NUFIP2: variants seen among roughly 807,000 people sequenced by gnomAD.
NUFIP2 encodes FMR1-interacting protein NUFIP2.
NUFIP2 carries 6 observed loss-of-function variants against 56.9 expected under a neutral mutation model. The observed-to-expected ratio is 0.11, with a 90% CI of 0.06 to 0.21. The LOEUF (loss-of-function observed/expected upper bound fraction) is 0.21, where lower values mean the gene tolerates loss of function less well. Ranked by LOEUF, NUFIP2 falls within the 10% of genes least tolerant of loss-of-function variation. NUFIP2 has a pLI of 1.00. For synonymous variants in NUFIP2, 321 were observed against 298.2 expected (o/e 1.08, Z -0.79); for missense variants, 828 against 826.8 (o/e 1.00, Z -0.02).
intron 2 of NUFIP2, among the ~76,000 whole-genome samples, chr17:29,271,593 A>G (rs2069072965): frequency 6.7e-6 from 1 of 150,260 alleles, no homozygotes; most frequent in Non-Finnish European, 1.5e-5. Context: ...ATGCTGAACT[A>G]AGAAGTGAAT....
Position 29,267,526 on chromosome 17 carries a change from C to T in NUFIP2, c.2007G>A (p.Met669Ile). ...RAAIVYHTKE[M>I]ESIWNLQKQD... ...GCTTCTGCAAATTCCAAATAGATTC[C>T]ATTTCTGCAAAGAAAAAAAGAGAAT... Residue 669 changes from methionine (M) to isoleucine (I), a missense_variant, in exon 3 of 4, where the codon ATG (methionine) becomes ATA (isoleucine). Transcript: ENST00000225388. 6.5e-7 allele frequency: 1 copy of T among 1,533,664 alleles called. No individual in the cohort carries two copies. Among genetic ancestry groups the T allele is most frequent in the Non-Finnish European group, 8.9e-7 (1 of 1,119,998 alleles).
intron 2 of NUFIP2, among the ~76,000 whole-genome samples, chr17:29,285,312 G>T (rs981762821): frequency 1.3e-5 from 2 of 150,052 alleles, no homozygotes; most frequent in African/African-American, 2.5e-5. Context: ...AAACAAATAA[G>T]CAAATGGGTG....
intron 3 of NUFIP2, among the ~76,000 whole-genome samples, chr17:29,267,134 C>T (rs1472215542): frequency 1.3e-5 from 2 of 151,796 alleles, no homozygotes; most frequent in Non-Finnish European, 2.9e-5. Flanking sequence ...GAACTCCTGA[C>T]CTCGGGTGAT....
intron 2 of NUFIP2, among the ~76,000 whole-genome samples, chr17:29,282,193 A>C (rs2069144410): frequency 6.6e-6 from 1 of 152,130 alleles, no homozygotes; most frequent in Non-Finnish European, 1.5e-5. Flanking sequence ...TCCTGTATTA[A>C]AAAAAGCCCT....
chr17:29,290,018 G>C (rs1294363803), intron 1 of NUFIP2, among the ~76,000 whole-genome samples: 1 of 152,054 alleles, frequency 6.6e-6, no homozygotes, highest in Admixed American at 6.6e-5. Context: ...CCGCCTCCCA[G>C]ATTCTCCTGA....
chr17:29,257,323 T>C lies in NUFIP2; in HGVS notation c.*7216A>G, dbSNP rs748191280. The stretch of plus-strand genomic sequence containing the variant: ...AGGACAAATCGGTCACTTTTGGTAA[T>C]GACACACAAATTAAACTTTCAAAAC... On this transcript the variant is annotated 3_prime_UTR_variant, in exon 4 of 4. Transcript: ENST00000225388. 4.6e-5 allele frequency: 7 copies of C among 152,194 alleles called. No homozygotes were observed. Among genetic ancestry groups the C allele is most frequent in the Non-Finnish European group, 8.8e-5 (6 of 68,012 alleles). The allele number at this position is 152,194 out of a possible 1,614,324, so 9.4% of individuals were successfully genotyped here. A position where few individuals can be genotyped will look rare whatever the true frequency, so the allele number is the denominator to read the frequency against.
chr17:29,282,110 T>A lies in NUFIP2; in HGVS notation c.2002+3882A>T, dbSNP rs1251354955. 1.3e-5 allele frequency among the ~76,000 whole-genome samples: 2 copies of A among 151,944 alleles called. 1 individual carries two copies. The highest frequency in any genetic ancestry group is 1.3e-4 in the Admixed American group (2 of 15,222). ...TGTATCTTTACTTCATACCCTCAAT[T>A]GTACTTAACACTCAAATTTTTAAAA... is the stretch of plus-strand genomic sequence containing the variant. On this transcript the variant is annotated intron_variant, in intron 2 of 3. Coordinates refer to ENST00000225388, the MANE Select transcript of NUFIP2 (RefSeq NM_020772.3).
At chr17:29,271,118 T>C (rs1229538993) in intron 2 of NUFIP2, among the ~76,000 whole-genome samples, 2 of 152,224 alleles carry the variant, frequency 1.3e-5, no homozygotes, top group African/African-American at 2.4e-5. Flanking sequence ...TATGATAAAA[T>C]GTTATTACCC....
intron 2 of NUFIP2, among the ~76,000 whole-genome samples, chr17:29,272,519 C>T (rs1000970661): frequency 1.3e-5 from 2 of 152,090 alleles, no homozygotes; most frequent in Admixed American, 6.6e-5. Context: ...GGATTACAGG[C>T]GTGAGCCGCT....
At chr17:29,265,305 ATTTTTT>A (rs66549012) in intron 3 of NUFIP2, among the ~76,000 whole-genome samples, 1 of 135,646 alleles carries the variant, frequency 7.4e-6, no homozygotes, top group African/African-American at 2.7e-5. Context: ...ATTTTATTTT[ATTTTTT>A]TTTTTTTTTG....
rs2068984913 is a variant in NUFIP2, at chr17:29,258,722, A to C, written c.*5817T>G. ...TTACTTGTATTGATTCCCTCCCAAA[A>C]AGAATTTTATAATTCATTCACTCTT... On this transcript the variant is annotated 3_prime_UTR_variant, in exon 4 of 4. Coordinates refer to ENST00000225388, the MANE Select transcript of NUFIP2 (RefSeq NM_020772.3). The C allele has an allele frequency of 6.6e-6, 1 of 152,206 alleles. No homozygotes were observed. Among genetic ancestry groups the C allele is most frequent in the African/African-American group, 2.4e-5 (1 of 41,442 alleles). 9.4% of individuals were successfully genotyped at this position (152,206 alleles called of 1,614,324 possible). A position where few individuals can be genotyped will look rare whatever the true frequency, so the allele number is the denominator to read the frequency against.
intron 1 of NUFIP2, among the ~76,000 whole-genome samples, chr17:29,291,985 A>G (rs552387767): frequency 5.3e-5 from 8 of 152,344 alleles, no homozygotes; most frequent in Admixed American, 2.6e-4. Context: ...CAAATTTGAT[A>G]CGCTGGGTTT....
chr17:29,281,675 A>G (rs1444698310), intron 2 of NUFIP2, among the ~76,000 whole-genome samples: 10 of 136,028 alleles, frequency 7.4e-5, no homozygotes, highest in African/African-American at 2.5e-4. Context: ...GGTGACAATG[A>G]GATCCTGTCT....
intron 2 of NUFIP2, among the ~76,000 whole-genome samples, chr17:29,272,544 G>A (rs535814579): frequency 3.9e-5 from 6 of 151,988 alleles, no homozygotes; most frequent in East Asian, 3.9e-4. Flanking sequence ...CTGGCCCCTC[G>A]TTTGTGTGAT....
chr17:29,286,519 G>C lies in NUFIP2; in HGVS notation c.1475C>G (p.Ser492Cys). The C allele has an allele frequency of 1.9e-6, 3 of 1,614,160 alleles. No individual in the cohort carries two copies. The highest frequency in any genetic ancestry group is 1.6e-4 in the Middle Eastern group (1 of 6,062). The change falls in exon 2 of 4, where the codon TCT becomes TGT. Residue 492 changes from serine to cysteine, a missense_variant. This residue lies in a region of NUFIP2 where 404 missense variants were observed against 380.3 expected (regional missense o/e 1.06). Transcript: ENST00000225388. Reference sequence around the variant, plus strand: ...CCCCAGGTTTTGCTGATCTGTCTGAGAGGGCAGATCCACTTGTGCTGTGCT... The same window carrying C: ...CCCCAGGTTTTGCTGATCTGTCTGACAGGGCAGATCCACTTGTGCTGTGCT... ...LLSTAQVDLP[S>C]QTDQQNLGDI... is the part of the protein sequence containing the mutation.
At chr17:29,292,601 C>A (rs899095488) in intron 1 of NUFIP2, among the ~76,000 whole-genome samples, 28 of 150,726 alleles carry the variant, frequency 1.9e-4, no homozygotes, top group African/African-American at 6.8e-4. Context: ...ATGAATCCCC[C>A]CGCCGCCCCC....
intron 2 of NUFIP2, among the ~76,000 whole-genome samples, chr17:29,281,288 C>A (rs745954623): frequency 1.3e-5 from 2 of 151,824 alleles, no homozygotes; most frequent in Non-Finnish European, 2.9e-5. Flanking sequence ...CGCCACTGCA[C>A]GCCAGCCAGG....
intron 2 of NUFIP2, among the ~76,000 whole-genome samples, chr17:29,275,520 G>A (rs1374415176): frequency 6.6e-6 from 1 of 152,144 alleles, no homozygotes; most frequent in Non-Finnish European, 1.5e-5. Context: ...ATTTACAGAG[G>A]CAATGTTCAA....
At chr17:29,277,281 T>C (rs778700242) in intron 2 of NUFIP2, among the ~76,000 whole-genome samples, 8 of 152,170 alleles carry the variant, frequency 5.3e-5, no homozygotes, top group Non-Finnish European at 8.8e-5. Context: ...CACCTCAGCC[T>C]CCTAAAATGC....
Sources: gnomAD v4.1 joint callset for allele counts (sites outside exome capture counted in the v4.1 genomes callset) on GRCh38, gnomAD v4.1.1 for gene constraint, gnomAD v4.1.1 regional missense constraint, MANE v1.5 for transcripts, NCBI Gene and HGNC (gene_info 2026-07-23, HGNC 2026-07-21) for gene names.